The following WWOX variants were observed in gnomAD, a reference collection of about 807,000 sequenced individuals.
WWOX encodes WW domain containing oxidoreductase.
In WWOX, 69 loss-of-function variants were observed where a neutral mutation model predicts 46.2. The ratio of observed to expected loss-of-function variants is 1.49; its 90% CI spans 1.23 to 1.82. WWOX has a LOEUF of 1.82. WWOX is among the 40% of genes most tolerant of loss of function. WWOX has a pLI of 0.00. For synonymous variants in WWOX, 359 were observed against 202.6 expected (o/e 1.77, Z -6.56); for missense variants, 919 against 542.6 (o/e 1.69, Z -6.89).
At chr16:78,117,424 G>A (rs1001091942) in intron 4 of WWOX, among the ~76,000 whole-genome samples, 2 of 152,126 alleles carry the variant, frequency 1.3e-5, no homozygotes, top group Non-Finnish European at 2.9e-5. Flanking sequence ...GGTGAGTGGT[G>A]AAGATTTTTA....
intron 6 of WWOX, among the ~76,000 whole-genome samples, chr16:78,415,767 C>G (rs1005579389): frequency 6.6e-6 from 1 of 152,172 alleles, no homozygotes; most frequent in South Asian, 2.1e-4. Context: ...GAAAGCCTGG[C>G]TCTGTCATAA....
At chr16:78,577,994 A>G (rs1473753400) in intron 8 of WWOX, among the ~76,000 whole-genome samples, 2 of 152,000 alleles carry the variant, frequency 1.3e-5, no homozygotes, top group Non-Finnish European at 2.9e-5. Context: ...TTTGTCACCT[A>G]GGTCCAGATT....
At chr16:78,160,692 G>T (rs1365045354) in intron 4 of WWOX, among the ~76,000 whole-genome samples, 1 of 152,108 alleles carries the variant, frequency 6.6e-6, no homozygotes, top group African/African-American at 2.4e-5. Context: ...AATTCATTGA[G>T]ACTTGCTTTT....
rs62034049 is a variant in WWOX at position 78,250,816 on chromosome 16, A to G, written c.516+86527A>G. ...GGCAGGAAAACCATAACCACCTGCA[A>G]ATGTCATGTGGTTTATATCACACCT... is the stretch of plus-strand genomic sequence containing the variant. On this transcript the variant is annotated intron_variant, in intron 5 of 8. Coordinates refer to ENST00000566780, the MANE Select transcript of WWOX (RefSeq NM_016373.4). Among the ~76,000 whole-genome samples, 1,140 of 152,210 alleles carry G rather than the reference A, an allele frequency of 7.5e-3. 16 individuals are homozygous for G. Among genetic ancestry groups the G allele is most frequent in the South Asian group, 0.052 (252 of 4,816 alleles).
At chr16:78,564,762 T>C (rs1274770637) in intron 8 of WWOX, among the ~76,000 whole-genome samples, 8 of 152,342 alleles carry the variant, frequency 5.3e-5, no homozygotes, top group Non-Finnish European at 8.8e-5. Flanking sequence ...ATTTCACCTA[T>C]TTCCTTATTT....
At chr16:78,614,236 C>G (rs1327988813) in intron 8 of WWOX, among the ~76,000 whole-genome samples, 1 of 152,166 alleles carries the variant, frequency 6.6e-6, no homozygotes, top group Non-Finnish European at 1.5e-5. Flanking sequence ...TGTTGACAGC[C>G]TTTTGGGTTT....
intron 8 of WWOX, among the ~76,000 whole-genome samples, chr16:79,122,439 A>T (rs910896025): frequency 1.3e-5 from 2 of 152,094 alleles, no homozygotes; most frequent in African/African-American, 4.8e-5. Context: ...CAAGCACGGC[A>T]TCTCTTCTTT....
chr16:78,283,390 G>C (rs761233281), intron 5 of WWOX, among the ~76,000 whole-genome samples: 7 of 152,270 alleles, frequency 4.6e-5, no homozygotes, highest in Admixed American at 1.3e-4. Flanking sequence ...CCTCATACCT[G>C]CTTTCCACTC....
intron 8 of WWOX, among the ~76,000 whole-genome samples, chr16:78,651,989 A>C (rs1284311083): frequency 6.6e-6 from 1 of 152,068 alleles, no homozygotes; most frequent in Non-Finnish European, 1.5e-5. Context: ...ATTATTTTCT[A>C]CCTAGATCAG....
At chr16:78,792,725 A>C (rs2050637665) in intron 8 of WWOX, among the ~76,000 whole-genome samples, 2 of 152,190 alleles carry the variant, frequency 1.3e-5, no homozygotes, top group African/African-American at 4.8e-5. Context: ...TCACCTGTAG[A>C]AATCTTAAGA....
intron 8 of WWOX, among the ~76,000 whole-genome samples, chr16:78,818,538 C>G (rs141656386): frequency 6.6e-6 from 1 of 152,320 alleles, no homozygotes; most frequent in East Asian, 1.9e-4. Flanking sequence ...TGAGATCAGT[C>G]TGGCCAACAC....
At chr16:78,239,075 T>A (rs985116274) in intron 5 of WWOX, among the ~76,000 whole-genome samples, 11 of 152,156 alleles carry the variant, frequency 7.2e-5, no homozygotes, top group Admixed American at 3.9e-4. Flanking sequence ...GCATCCCCCG[T>A]GGATTCTCAG....
At chr16:78,980,835 T>G (rs1343905008) in intron 8 of WWOX, among the ~76,000 whole-genome samples, 2 of 152,212 alleles carry the variant, frequency 1.3e-5, no homozygotes, top group African/African-American at 4.8e-5. Context: ...GAAAGTCCTC[T>G]CTTGGAAGGG....
At chr16:78,667,799 G>C (rs962024190) in intron 8 of WWOX, among the ~76,000 whole-genome samples, 1 of 151,432 alleles carries the variant, frequency 6.6e-6, no homozygotes, top group Non-Finnish European at 1.5e-5. Flanking sequence ...TCTTTCTCTC[G>C]CATCAGCTTG....
At chr16:78,546,042 T>C (rs139799043) in intron 8 of WWOX, among the ~76,000 whole-genome samples, 50 of 152,304 alleles carry the variant, frequency 3.3e-4, no homozygotes, top group Non-Finnish European at 7.3e-5. Flanking sequence ...ACATGCTCTA[T>C]GCTGGGCACA....
chr16:79,053,896 C>G (rs1469732675), intron 8 of WWOX, among the ~76,000 whole-genome samples: 1 of 151,992 alleles, frequency 6.6e-6, no homozygotes, highest in Non-Finnish European at 1.5e-5. Context: ...TTATAGTACC[C>G]CAGCCATAGA....
intron 5 of WWOX, among the ~76,000 whole-genome samples, chr16:78,322,276 C>T (rs2080500906): frequency 6.6e-6 from 1 of 152,128 alleles, no homozygotes; most frequent in South Asian, 2.1e-4. Context: ...TCCAAGCCTT[C>T]TGTGTATTAG....
chr16:78,696,143 A>T (rs969077580), intron 8 of WWOX, among the ~76,000 whole-genome samples: 1 of 152,188 alleles, frequency 6.6e-6, no homozygotes, highest in Non-Finnish European at 1.5e-5. Flanking sequence ...TGGGAATCAG[A>T]AATACGGTGT....
chr16:78,632,931 G>T (rs1224851490), intron 8 of WWOX, among the ~76,000 whole-genome samples: 1 of 152,034 alleles, frequency 6.6e-6, no homozygotes, highest in African/African-American at 2.4e-5. Flanking sequence ...CCATGTTGGA[G>T]AGGGATCCAA....
Sources: allele counts gnomAD v4.1 joint callset (sites outside exome capture counted in the v4.1 genomes callset), GRCh38; gene constraint gnomAD v4.1.1; transcripts MANE v1.5; gene names NCBI Gene and HGNC (gene_info 2026-07-23, HGNC 2026-07-21).